PPP2R5E: variants seen among roughly 807,000 people sequenced by gnomAD.
PPP2R5E encodes the protein protein phosphatase 2 regulatory subunit B'epsilon, also known as serine/threonine-protein phosphatase 2A 56 kDa regulatory subunit epsilon isoform.
In PPP2R5E, 4 loss-of-function variants were observed where a neutral mutation model predicts 65.3. That is an observed-to-expected ratio of 0.06 (90% CI 0.03 to 0.14). The LOEUF (loss-of-function observed/expected upper bound fraction) is 0.14, where lower values mean the gene tolerates loss of function less well. Ranked by LOEUF, PPP2R5E falls within the 10% of genes least tolerant of loss-of-function variation. PPP2R5E has a pLI of 1.00. For missense variants in PPP2R5E, 274 were observed against 556.1 expected (o/e 0.49, Z 5.10); for synonymous variants, 183 against 187.4 (o/e 0.98, Z 0.19).
chr14:63,390,312 AC>A (rs1884943651), intron 10 of PPP2R5E, among the ~76,000 whole-genome samples: 2 of 151,666 alleles, frequency 1.3e-5, no homozygotes, highest in African/African-American at 4.9e-5. Context: ...ACACACACAC[AC>A]ACACACACAC....
intron 2 of PPP2R5E, among the ~76,000 whole-genome samples, chr14:63,478,637 T>C (rs1890530940): frequency 6.6e-6 from 1 of 152,044 alleles, no homozygotes; most frequent in Admixed American, 6.6e-5. Flanking sequence ...TACTATAAAA[T>C]TAGTTTTGAC....
chr14:63,457,528 G>C (rs984732477), intron 2 of PPP2R5E, among the ~76,000 whole-genome samples: 3 of 152,090 alleles, frequency 2.0e-5, no homozygotes, highest in South Asian at 2.1e-4. Flanking sequence ...ACAAATTACA[G>C]TCATTAAGAA....
At chr14:63,517,485 G>C (rs1892713065) in intron 2 of PPP2R5E, among the ~76,000 whole-genome samples, 1 of 152,118 alleles carries the variant, frequency 6.6e-6, no homozygotes, top group Admixed American at 6.5e-5. Context: ...AAACTCCACA[G>C]TCCTTTATTT....
At chr14:63,469,672 C>T (rs112644603) in intron 2 of PPP2R5E, among the ~76,000 whole-genome samples, 5 of 152,124 alleles carry the variant, frequency 3.3e-5, no homozygotes, top group South Asian at 2.1e-4. Context: ...CCAGCCTGGG[C>T]GACAGAGCAA....
chr14:63,398,993 T>C (rs1885573099), intron 5 of PPP2R5E, among the ~76,000 whole-genome samples: 1 of 152,208 alleles, frequency 6.6e-6, no homozygotes, highest in African/African-American at 2.4e-5. Context: ...AGTTACTATA[T>C]GACTAAGCGA....
chr14:63,460,510 TA>T (rs1328634056), intron 2 of PPP2R5E, among the ~76,000 whole-genome samples: 1 of 152,188 alleles, frequency 6.6e-6, no homozygotes, highest in Non-Finnish European at 1.5e-5. Flanking sequence ...AGTTGCAGTC[TA>T]AAAGAAAAAT....
chr14:63,396,627 A>G lies in PPP2R5E; in HGVS notation c.639T>C (p.Leu213=), dbSNP rs1236862630. 1 of 1,613,434 alleles carries G rather than the reference A, an allele frequency of 6.2e-7. No homozygotes were observed. Among genetic ancestry groups the G allele is most frequent in the Non-Finnish European group, 8.5e-7 (1 of 1,179,762 alleles). The stretch of plus-strand genomic sequence containing the variant: ...TAATCTGTTTTCGGATAAATGCTCT[A>G]AGACCAAGAAACTTGCCATAAATTC... The part of the protein sequence containing the change: ...LHRIYGKFLG[L]RAFIRKQINN... The change falls in exon 6 of 14, where the codon CTT becomes CTC. Residue 213 remains leucine (L), a synonymous_variant. Transcript: ENST00000337537.
intron 5 of PPP2R5E, among the ~76,000 whole-genome samples, chr14:63,406,992 A>G (rs1464034758): frequency 7.9e-5 from 12 of 152,250 alleles, no homozygotes; most frequent in Non-Finnish European, 1.5e-4. Flanking sequence ...AAAGTTCTCA[A>G]AACAAGAATC....
chr14:63,440,873 C>T lies in PPP2R5E; in HGVS notation c.354+12816G>A, dbSNP rs956951851. ...CTGAGGCAGGAGAATGGCGTGAGCC[C>T]GGGAGGCGGAGCTTGCAGTGAGCCG... On this transcript the variant is annotated intron_variant, in intron 3 of 13. Coordinates refer to ENST00000337537, the MANE Select transcript of PPP2R5E (RefSeq NM_006246.5). 3.6e-4 allele frequency among the ~76,000 whole-genome samples: 52 copies of T among 145,104 alleles called. 1 individual carries two copies. The highest frequency in any genetic ancestry group is 3.6e-3 in the Middle Eastern group (1 of 274).
At chr14:63,439,457 C>T (rs997135992) in intron 3 of PPP2R5E, among the ~76,000 whole-genome samples, 1 of 152,142 alleles carries the variant, frequency 6.6e-6, no homozygotes, top group African/African-American at 2.4e-5. Context: ...TCACAACAAC[C>T]TCCACCTCCC....
chr14:63,481,477 T>C lies in PPP2R5E; in HGVS notation c.158-27592A>G, dbSNP rs956925468. ...CACCACTGCACTCCAGCCTGGGCGA[T>C]AGAGCAAGACTCCATCTCAAAAAAA... On this transcript the variant is annotated intron_variant, in intron 2 of 13. Transcript: ENST00000337537. 2.2e-4 allele frequency among the ~76,000 whole-genome samples: 27 copies of C among 125,322 alleles called. 1 individual carries two copies. The highest frequency in any genetic ancestry group is 6.7e-4 in the African/African-American group (22 of 32,938). The allele number at this position is 125,322 out of a possible 152,430, so 82.2% of individuals were successfully genotyped here.
chr14:63,457,921 A>G (rs1223773903), intron 2 of PPP2R5E, among the ~76,000 whole-genome samples: 1 of 152,044 alleles, frequency 6.6e-6, no homozygotes, highest in Non-Finnish European at 1.5e-5. Context: ...GACCAGCTAA[A>G]CTGTACTTCT....
At chr14:63,407,681 T>G (rs1486266542) in intron 5 of PPP2R5E, among the ~76,000 whole-genome samples, 1 of 152,242 alleles carries the variant, frequency 6.6e-6, no homozygotes. Context: ...CATATTGCTA[T>G]AGTCTGAATG....
intron 3 of PPP2R5E, among the ~76,000 whole-genome samples, chr14:63,434,876 T>C (rs1316157482): frequency 6.6e-6 from 1 of 152,242 alleles, no homozygotes; most frequent in Non-Finnish European, 1.5e-5. Context: ...GTGCTCATGA[T>C]GGTATTACTT....
intron 2 of PPP2R5E, among the ~76,000 whole-genome samples, chr14:63,487,282 CATAAA>C (rs1485343312): frequency 6.6e-6 from 1 of 152,092 alleles, no homozygotes; most frequent in Non-Finnish European, 1.5e-5. Context: ...GTTGTTAAGA[CATAAA>C]ATAAGAGAAA....
chr14:63,434,755 A>C (rs1887871054), intron 3 of PPP2R5E, among the ~76,000 whole-genome samples: 1 of 152,186 alleles, frequency 6.6e-6, no homozygotes, highest in Non-Finnish European at 1.5e-5. Flanking sequence ...TTCTTTCAAG[A>C]AGTTCACTAT....
chr14:63,392,809 C>T (rs75263154), intron 8 of PPP2R5E, among the ~76,000 whole-genome samples: 5,116 of 152,264 alleles, frequency 0.034, 316 homozygotes, highest in African/African-American at 0.12. Flanking sequence ...TTTATGCAAA[C>T]TCAAAACCTT....
At position 63,399,366 on chromosome 14, in the gene PPP2R5E, C is replaced by CTTTTTTTTTT. The variant is rs397814218; in HGVS notation, c.550-2660_550-2651dup. Reference sequence around the variant, plus strand: ...GCTACTAATAGGTCTGGATTTCTTTCTTTTTTTTTTTTTTTTTTTTTTTTT... The same window carrying CTTTTTTTTTT: ...GCTACTAATAGGTCTGGATTTCTTTCTTTTTTTTTTTTTTTTTTTTTTTTTTTTTTTTTTT... On this transcript the variant is annotated intron_variant, in intron 5 of 13. Coordinates refer to ENST00000337537, the MANE Select transcript of PPP2R5E (RefSeq NM_006246.5). 3.2e-3 allele frequency among the ~76,000 whole-genome samples: 157 copies of CTTTTTTTTTT among 48,526 alleles called. 21 individuals are homozygous for CTTTTTTTTTT. The highest frequency in any genetic ancestry group is 8.2e-3 in the African/African-American group (99 of 12,018). The allele number at this position is 48,526 out of a possible 152,430, so 31.8% of individuals were successfully genotyped here.
chr14:63,523,650 T>C (rs541269592), intron 2 of PPP2R5E, among the ~76,000 whole-genome samples: 60 of 151,328 alleles, frequency 4.0e-4, no homozygotes, highest in Non-Finnish European at 6.2e-4. Context: ...CCCTCCACTA[T>C]TGTCCCGTGA....
Sources: allele counts gnomAD v4.1 joint callset (sites outside exome capture counted in the v4.1 genomes callset), GRCh38; gene constraint gnomAD v4.1.1; transcripts MANE v1.5; gene names NCBI Gene and HGNC (gene_info 2026-07-23, HGNC 2026-07-21).